LINGO2: variants seen among roughly 807,000 people sequenced by gnomAD.
The protein encoded by LINGO2 is leucine rich repeat and Ig domain containing 2.
Under a neutral mutation model 30.6 loss-of-function variants are expected in LINGO2, and 14 were observed. That is an observed-to-expected ratio of 0.46 (90% CI 0.30 to 0.72). The LOEUF (loss-of-function observed/expected upper bound fraction) is 0.72. LINGO2 is among the 30% of genes least tolerant of loss of function. The pLI is 0.07. For synonymous variants in LINGO2, 317 were observed against 288.5 expected (o/e 1.10, Z -1.00); for missense variants, 729 against 751.7 (o/e 0.97, Z 0.35).
intron 5 of LINGO2, among the ~76,000 whole-genome samples, chr9:27,961,014 G>A (rs1446384178): frequency 1.3e-5 from 2 of 152,082 alleles, no homozygotes; most frequent in Non-Finnish European, 2.9e-5. Context: ...TTACAATGGT[G>A]TGAAAGCAAT....
the LINGO2 span, among the ~76,000 whole-genome samples, chr9:29,078,858 G>T: frequency 0.2 from 29,961 of 151,760 alleles, 3,105 homozygotes; most frequent in African/African-American, 0.24. Flanking sequence ...GTGATTTTAA[G>T]ATGCTCCAAT....
At chr9:28,625,697 A>G (rs1015019564) in intron 1 of LINGO2, among the ~76,000 whole-genome samples, 2 of 152,068 alleles carry the variant, frequency 1.3e-5, no homozygotes, top group African/African-American at 4.8e-5. Context: ...CATTATGGTT[A>G]TACTAAAATT....
At chr9:28,937,729 T>C in the LINGO2 span, among the ~76,000 whole-genome samples, 1 of 152,182 alleles carries the variant, frequency 6.6e-6, no homozygotes, top group Non-Finnish European at 1.5e-5. Context: ...CTGTGGGTTC[T>C]GGGCCTGCGG....
intron 2 of LINGO2, among the ~76,000 whole-genome samples, chr9:28,400,984 G>C (rs1309744715): frequency 1.3e-5 from 2 of 151,984 alleles, no homozygotes; most frequent in Admixed American, 1.3e-4. Context: ...CATGGACATT[G>C]AATCAAGGTG....
chr9:29,081,314 G>C, the LINGO2 span, among the ~76,000 whole-genome samples: 1 of 152,030 alleles, frequency 6.6e-6, no homozygotes, highest in Non-Finnish European at 1.5e-5. Flanking sequence ...CATATAAACA[G>C]AACCAAAGAC....
intron 1 of LINGO2, among the ~76,000 whole-genome samples, chr9:28,520,345 T>A (rs1033392936): frequency 6.6e-6 from 1 of 152,154 alleles, no homozygotes; most frequent in South Asian, 2.1e-4. Flanking sequence ...AAGAATTTTT[T>A]AGTAATATTG....
At chr9:28,959,326 G>A in the LINGO2 span, among the ~76,000 whole-genome samples, 1 of 151,942 alleles carries the variant, frequency 6.6e-6, no homozygotes, top group African/African-American at 2.4e-5. Flanking sequence ...CAATAAAGTA[G>A]ATATAATAAT....
chr9:29,171,006 C>A, the LINGO2 span, among the ~76,000 whole-genome samples: 2 of 151,940 alleles, frequency 1.3e-5, no homozygotes, highest in Non-Finnish European at 2.9e-5. Context: ...TAATCCTTTT[C>A]TTTTCTTTAC....
the LINGO2 span, among the ~76,000 whole-genome samples, chr9:28,954,219 TTTAGTTTGACTA>T: frequency 6.6e-6 from 1 of 152,296 alleles, no homozygotes; most frequent in East Asian, 1.9e-4. Flanking sequence ...CCTCAATAGC[TTTAGTTTGACTA>T]TTAGTTACAC....
intron 1 of LINGO2, among the ~76,000 whole-genome samples, chr9:28,514,821 A>G (rs1043235470): frequency 4.6e-5 from 7 of 152,172 alleles, no homozygotes; most frequent in East Asian, 1.9e-4. Flanking sequence ...ATAGCCTTCA[A>G]TGTAGACAAA....
At chr9:28,744,264 T>C in the LINGO2 span, among the ~76,000 whole-genome samples, 1 of 152,008 alleles carries the variant, frequency 6.6e-6, no homozygotes, top group African/African-American at 2.4e-5. Flanking sequence ...TGTTTAAGCA[T>C]AATTTCCTTT....
At chr9:28,337,547 G>A in intron 3 of LINGO2, among the ~76,000 whole-genome samples, 1 of 152,178 alleles carries the variant, frequency 6.6e-6, no homozygotes, top group East Asian at 1.9e-4. Flanking sequence ...GACCTGCACA[G>A]CAGCCTCTCC....
At chr9:28,199,897 C>T (rs1173790425) in intron 4 of LINGO2, among the ~76,000 whole-genome samples, 1 of 151,166 alleles carries the variant, frequency 6.6e-6, no homozygotes, top group Non-Finnish European at 1.5e-5. Flanking sequence ...TAGTATAGGG[C>T]TCCAAAACTA....
At chr9:29,127,683 C>T in the LINGO2 span, among the ~76,000 whole-genome samples, 3,927 of 152,054 alleles carry the variant, frequency 0.026, 156 homozygotes, top group African/African-American at 0.088. Flanking sequence ...TGAGGGCAAC[C>T]GGCTGGAGCC....
At chr9:28,854,463 C>T in the LINGO2 span, among the ~76,000 whole-genome samples, 3 of 151,948 alleles carry the variant, frequency 2.0e-5, 1 homozygote, top group South Asian at 6.2e-4. Flanking sequence ...TGTGATAGGG[C>T]TATTTGTAGA....
At chr9:28,872,461 G>A in the LINGO2 span, among the ~76,000 whole-genome samples, 1 of 152,050 alleles carries the variant, frequency 6.6e-6, no homozygotes, top group African/African-American at 2.4e-5. Context: ...GTTATCTTTT[G>A]AGAAACAGTG....
the LINGO2 span, among the ~76,000 whole-genome samples, chr9:28,738,731 G>T: frequency 3.9e-5 from 6 of 151,914 alleles, no homozygotes; most frequent in Non-Finnish European, 8.8e-5. Flanking sequence ...CAGAATGCAA[G>T]GGAGATTTAA....
chr9:28,193,807 A>G lies in LINGO2; in HGVS notation c.-87+101401T>C, dbSNP rs1229157469. On this transcript the variant is annotated intron_variant, in intron 4 of 5. Coordinates refer to ENST00000379992, the Ensembl canonical transcript of LINGO2. ...TCCATTCATGTGGAGGCTGCAGTGGAAACAATCAGAGACTGGAGTAACTAG... is the reference window on the plus strand; with the variant it reads ...TCCATTCATGTGGAGGCTGCAGTGGGAACAATCAGAGACTGGAGTAACTAG... 2.0e-5 allele frequency among the ~76,000 whole-genome samples: 3 copies of G among 152,146 alleles called. No individual in the cohort carries two copies. The East Asian group carries it at 5.8e-4, about 29-fold the overall frequency.
the LINGO2 span, among the ~76,000 whole-genome samples, chr9:29,172,631 C>G: frequency 6.6e-6 from 1 of 151,680 alleles, no homozygotes; most frequent in Non-Finnish European, 1.5e-5. Flanking sequence ...GAAAAATAAT[C>G]TCCTTAGTGC....
Sources: gnomAD v4.1 joint callset for allele counts (sites outside exome capture counted in the v4.1 genomes callset) on GRCh38, gnomAD v4.1.1 for gene constraint, MANE v1.5 for transcripts, NCBI Gene and HGNC (gene_info 2026-07-23, HGNC 2026-07-21) for gene names.